Variants in CFP observed in about 807,000 individuals in gnomAD.
The protein encoded by CFP is complement factor properdin, also known as properdin.
A neutral mutation model predicts 42.1 loss-of-function variants in CFP; 14 were observed. The ratio of observed to expected loss-of-function variants is 0.33; its 90% CI spans 0.22 to 0.52. The LOEUF is 0.52. CFP is among the 20% of genes least tolerant of loss of function. CFP has a pLI of 0.96. For missense variants in CFP, 318 were observed against 400.4 expected (o/e 0.79, Z 1.76); for synonymous variants, 149 against 160.6 (o/e 0.93, Z 0.54).
intron 2 of CFP, 26 bp downstream of exon 2, chrX:47,629,498 A>AACCCCCCCC: frequency 1.1e-5 from 3 of 270,848 alleles, no homozygotes; most frequent in African/African-American, 4.2e-5. Flanking sequence ...CCTCCCCCCC[A>AACCCCCCCC]TCCCCCACCC....
At chrX:47,629,333 C>T (rs1369360266) in intron 2 of CFP, 191 bp downstream of exon 2, 1 of 430,912 alleles carries the variant, frequency 2.3e-6, no homozygotes, top group Non-Finnish European at 4.0e-6. Flanking sequence ...GTAAGCAATC[C>T]CCTCCCCCAG....
chrX:47,626,979 GCCT>G, intron 5 of CFP, 33 bp from the exon 6 acceptor site: 1 of 1,157,624 alleles, frequency 8.6e-7, no homozygotes, highest in Non-Finnish European at 1.2e-6. Flanking sequence ...GAGGAGAAAG[GCCT>G]CCTCAATCCT....
chrX:47,626,283 G>A (rs1309468876), intron 7 of CFP, 45 bp downstream of exon 7: 9 of 1,190,677 alleles, frequency 7.6e-6, no homozygotes, highest in Non-Finnish European at 9.1e-6. Flanking sequence ...CCCTTATCCT[G>A]CATGGGCCAC....
rs1569335880 is a variant in CFP, at chrX:47,627,397, G to A, written c.575-65C>T. 155 of 1,193,720 alleles carry A rather than the reference G, an allele frequency of 1.3e-4. 2 individuals are homozygous for A. The South Asian group carries it at 2.7e-3, about 21-fold the overall frequency. On this transcript the variant is annotated intron_variant, in intron 4 of 8. Coordinates refer to ENST00000396992, the MANE Select transcript of CFP (RefSeq NM_001145252.3). ...ATGCATGCTAAAGTCCTCTCAGCCTGGCAGTTCCCTGCTGTAACCCCGCAG... is the reference window on the plus strand; with the variant it reads ...ATGCATGCTAAAGTCCTCTCAGCCTAGCAGTTCCCTGCTGTAACCCCGCAG...
At position 47,629,821 on chromosome X, in the gene CFP, G is replaced by C. The variant is rs1368571144; in HGVS notation, c.24C>G (p.Ala8=). 1 of 1,167,770 alleles carries C rather than the reference G, an allele frequency of 8.6e-7. No individual in the cohort carries two copies. The highest frequency in any genetic ancestry group is 1.9e-5 in the South Asian group (1 of 52,723). Residue 8 remains alanine (A), a synonymous_variant, in exon 1 of 9, where the codon GCC becomes GCG. Coordinates refer to ENST00000396992, the MANE Select transcript of CFP (RefSeq NM_001145252.3). The stretch of plus-strand genomic sequence containing the variant: ...GCAGCGGCGGCAGCAACAATCGAGG[G>C]GCCTGCGCTCCCTCTGTGATCATGT... MITEGAQ[A]PRLLLPPLLL... is the part of the protein sequence containing the mutation.
intron 2 of CFP, 25 bp downstream of exon 2, chrX:47,629,499 T>TCCCCCC: frequency 3.5e-5 from 13 of 373,002 alleles, no homozygotes; most frequent in Admixed American, 1.3e-4. Context: ...CTCCCCCCCA[T>TCCCCCC]CCCCCACCCC....
chrX:47,629,856 C>A lies in CFP; in HGVS notation c.-12G>T. The A allele has an allele frequency of 2.6e-6, 3 of 1,164,365 alleles. No homozygotes were observed. The highest frequency in any genetic ancestry group is 3.4e-6 in the Non-Finnish European group (3 of 870,238). On this transcript the variant is annotated 5_prime_UTR_variant, in exon 1 of 9. Transcript: ENST00000396992. ...CCCTCTGTGATCATGTTGAGTACTG[C>A]CCCCTGCACCTCTACCAGAGAGGAG...
In CFP at chrX:47,623,953, A is replaced by G. The variant is rs2057957696; in HGVS notation, c.*322T>C. The G allele has an allele frequency of 6.9e-6, 2 of 287,998 alleles. No individual in the cohort carries two copies. The highest frequency in any genetic ancestry group is 6.2e-6 in the Non-Finnish European group (1 of 160,843). The allele number at this position is 287,998 out of a possible 1,213,427, so 23.7% of individuals were successfully genotyped here. A position where few individuals can be genotyped will look rare whatever the true frequency, so the allele number is the denominator to read the frequency against. The stretch of plus-strand genomic sequence containing the variant: ...CCCGTAACGCGGAGCTCTGCAGAGG[A>G]ACGTGCCGGGCGGCCCTGAGGCTCT... On this transcript the variant is annotated 3_prime_UTR_variant, in exon 9 of 9. Transcript: ENST00000396992.
At chrX:47,626,996 T>C in intron 5 of CFP, 50 bp from the exon 6 acceptor site, 1 of 1,150,339 alleles carries the variant, frequency 8.7e-7, no homozygotes, top group Non-Finnish European at 1.2e-6. Context: ...CAATCCTTCC[T>C]CTCAGCCCCT....
rs757339568 is a variant in CFP, at chrX:47,626,097, G to C, written c.1205C>G (p.Ala402Gly). The change falls in exon 8 of 9, where the codon GCC (alanine) becomes GGC (glycine). Residue 402 changes from alanine to glycine, a missense_variant. By Grantham distance (60) the Ala-to-Gly change is moderately conservative. Transcript: ENST00000396992. ...MPPCGPNPTR[A>G]RQRLCTPLLP... ...CAAGGGTGTGCAGAGGCGCTGGCGG[G>C]CACGGGTAGGATTAGGTCCACAGGG... 17 of 1,176,894 alleles carry C rather than the reference G, an allele frequency of 1.4e-5. No individual in the cohort carries two copies. Among genetic ancestry groups the C allele is most frequent in the African/African-American group, 1.8e-5 (1 of 56,113 alleles).
At chrX:47,629,498 A>AACCCCCCC in intron 2 of CFP, 26 bp downstream of exon 2, 4 of 270,810 alleles carry the variant, frequency 1.5e-5, no homozygotes, top group African/African-American at 8.4e-5. Context: ...CCTCCCCCCC[A>AACCCCCCC]TCCCCCACCC....
At chrX:47,629,407 G>T in intron 2 of CFP, 117 bp downstream of exon 2, 1 of 558,359 alleles carries the variant, frequency 1.8e-6, no homozygotes, top group South Asian at 2.9e-5. Context: ...GTATGGTCAC[G>T]ATCAGGGCCT....
chrX:47,629,709 C>CG, intron 1 of CFP, 35 bp from the exon 2 acceptor site: 1 of 1,164,301 alleles, frequency 8.6e-7, no homozygotes. Context: ...GGGTGGGGCT[C>CG]GGTCAGGGAT....
At chrX:47,629,488 C>CAG in intron 2 of CFP, 36 bp downstream of exon 2, 1 of 657,606 alleles carries the variant, frequency 1.5e-6, no homozygotes, top group Non-Finnish European at 2.4e-6. Context: ...ACAGTCCTTC[C>CAG]CTCCCCCCCA....
chrX:47,626,125 G>C lies in CFP; in HGVS notation c.1177C>G (p.Pro393Ala). ...CGGGTAGGATTAGGTCCACAGGGGG[G>C]CATGCACAGCCCCCAGGTACTCCAC... ...SEWSTWGLCMPPCGPNPTRAR... is the reference protein window; with the variant it reads ...SEWSTWGLCMAPCGPNPTRAR... Residue 393 changes from proline (P) to alanine (A), a missense_variant, in exon 8 of 9, where the codon CCC (proline) becomes GCC (alanine). By Grantham distance (27) the Pro-to-Ala change is conservative. Coordinates refer to ENST00000396992, the MANE Select transcript of CFP (RefSeq NM_001145252.3). The C allele has an allele frequency of 8.5e-7, 1 of 1,179,006 alleles. No individual in the cohort carries two copies. Among genetic ancestry groups the C allele is most frequent in the East Asian group, 3.1e-5 (1 of 32,094 alleles).
chrX:47,628,421 G>T, intron 2 of CFP, 144 bp from the exon 3 acceptor site: 1 of 580,372 alleles, frequency 1.7e-6, no homozygotes, highest in Non-Finnish European at 2.9e-6. Context: ...TAGGGATATT[G>T]GGATACTGAT....
intron 2 of CFP, 26 bp downstream of exon 2, chrX:47,629,497 CA>C: frequency 1.3e-6 from 1 of 774,846 alleles, no homozygotes; most frequent in Admixed American, 2.9e-5. Context: ...CCCTCCCCCC[CA>C]TCCCCCACCC....
chrX:47,625,652 T>G (rs1368598385), intron 8 of CFP: 20 of 250,775 alleles, frequency 8.0e-5, no homozygotes, highest in Non-Finnish European at 1.5e-4. Context: ...CTGGGCTGTG[T>G]GTATCTGCAA....
In CFP at chrX:47,629,887, G is replaced by A. The variant is rs1449505561; in HGVS notation, c.-43C>T. On this transcript the variant is annotated 5_prime_UTR_variant, in exon 1 of 9. Transcript: ENST00000396992. ...GCACCTCTACCAGAGAGGAGGTCCC[G>A]CTTTATCTGGGTTGATAGGCTCCTG... 19 of 1,132,726 alleles carry A rather than the reference G, an allele frequency of 1.7e-5. No homozygotes were observed. The Admixed American group carries it at 3.4e-4, about 20-fold the overall frequency. The allele number at this position is 1,132,726 out of a possible 1,213,427, so 93.3% of individuals were successfully genotyped here. A position where few individuals can be genotyped will look rare whatever the true frequency, so the allele number is the denominator to read the frequency against.
Sources: allele counts gnomAD v4.1 joint callset, GRCh38; gene constraint gnomAD v4.1.1; transcripts MANE v1.5; gene names NCBI Gene and HGNC (gene_info 2026-07-23, HGNC 2026-07-21).